RASAL2: variants seen among roughly 807,000 people sequenced by gnomAD.
The protein encoded by RASAL2 is ras GTPase-activating protein nGAP.
A neutral mutation model predicts 128.9 loss-of-function variants in RASAL2; 58 were observed. The ratio of observed to expected loss-of-function variants is 0.45; its 90% confidence interval spans 0.36 to 0.56. RASAL2 has a LOEUF of 0.56. Among genes scored for constraint, RASAL2 ranks in the 20% least tolerant of loss-of-function variants. The probability of loss-of-function intolerance (pLI) is 0.00; values close to 1 mark genes in which losing one functional copy is unlikely to be tolerated. For synonymous variants in RASAL2, 561 were observed against 580.8 expected, an observed-to-expected ratio of 0.97 and a Z score of 0.49; for missense variants, 1,360 against 1,601.6, an observed-to-expected ratio of 0.85 and a Z score of 2.57.
Position 178,249,546 on chromosome 1 carries a change from C to T in RASAL2, c.203-34018C>T, listed in dbSNP as rs984107604. 1.9e-4 allele frequency among the ~76,000 whole-genome samples: 29 copies of T among 151,992 alleles called. 1 individual carries two copies. Among genetic ancestry groups the T allele is most frequent in the Admixed American group, 1.7e-3 (26 of 15,268 alleles). On this transcript the variant is annotated intron_variant, in intron 1 of 17. Coordinates refer to ENST00000367649, the MANE Select transcript of RASAL2 (RefSeq NM_170692.4). ...ACCTTCTGAAGCCTACTCCTGTCAGCTCGTCAAACTCATTCTCTGTCCAGT... is the reference window on the plus strand; with the variant it reads ...ACCTTCTGAAGCCTACTCCTGTCAGTTCGTCAAACTCATTCTCTGTCCAGT...
chr1:178,270,241 G>C (rs902702756), intron 1 of RASAL2, among the ~76,000 whole-genome samples: 1 of 151,738 alleles, frequency 6.6e-6, no homozygotes, highest in Non-Finnish European at 1.5e-5. Context: ...CTCGGGTTTC[G>C]ATCTAGAAAC....
At chr1:178,391,514 A>G (rs1329178903) in intron 4 of RASAL2, among the ~76,000 whole-genome samples, 1 of 152,214 alleles carries the variant, frequency 6.6e-6, no homozygotes, top group East Asian at 1.9e-4. Flanking sequence ...GTAGAAATTC[A>G]TTGTATTTTC....
Position 178,113,560 on chromosome 1 carries a change from G to C in RASAL2, c.202+18866G>C, listed in dbSNP as rs961168597. ...TGTGTGTGTGTGTGTGTGTGTGTGTGTGTGTAGAGGCAGAGTCTTGCTGTA... is the reference window on the plus strand; with the variant it reads ...TGTGTGTGTGTGTGTGTGTGTGTGTCTGTGTAGAGGCAGAGTCTTGCTGTA... On this transcript the variant is annotated intron_variant, in intron 1 of 17. Coordinates refer to ENST00000367649, the MANE Select transcript of RASAL2 (RefSeq NM_170692.4). 7.4e-5 allele frequency among the ~76,000 whole-genome samples: 10 copies of C among 134,230 alleles called. No homozygotes were observed. The East Asian group carries it at 1.6e-3, about 22-fold the overall frequency. 88.1% of individuals were successfully genotyped at this position (134,230 alleles called of 152,430 possible).
At chr1:178,343,546 G>A (rs2102411213) in intron 3 of RASAL2, among the ~76,000 whole-genome samples, 1 of 152,296 alleles carries the variant, frequency 6.6e-6, no homozygotes, top group African/African-American at 2.4e-5. Context: ...TATATTATAT[G>A]ATAGAATAGA....
chr1:178,219,626 C>T (rs1202791655), intron 1 of RASAL2, among the ~76,000 whole-genome samples: 1 of 147,800 alleles, frequency 6.8e-6, no homozygotes, highest in African/African-American at 2.5e-5. Context: ...TGAGACTCTG[C>T]CTCAGGAAAA....
In RASAL2 at chr1:178,467,458, T is replaced by C. The variant is rs750598337; in HGVS notation, c.3678+37T>C. ...TTGAATCTAATAGAAGGCACTTGTT[T>C]ATAGTAACGATTATTTCCTGACTTC... On this transcript the variant is annotated intron_variant, in intron 17 of 17. Coordinates refer to ENST00000367649, the MANE Select transcript of RASAL2 (RefSeq NM_170692.4). The C allele has an allele frequency of 1.9e-5, 30 of 1,555,692 alleles. No homozygotes were observed. In the South Asian group the frequency reaches 3.2e-4, roughly 17 times the overall value.
At chr1:178,383,549 T>C (rs1672394741) in intron 3 of RASAL2, among the ~76,000 whole-genome samples, 5 of 152,080 alleles carry the variant, frequency 3.3e-5, no homozygotes, top group Admixed American at 3.3e-4. Context: ...CCTTTAGGAG[T>C]CCTCCAGCAA....
chr1:178,144,653 G>A (rs1320653374), intron 1 of RASAL2, among the ~76,000 whole-genome samples: 1 of 152,194 alleles, frequency 6.6e-6, no homozygotes, highest in African/African-American at 2.4e-5. Context: ...AAGAATTGTA[G>A]AGGAACTATT....
intron 1 of RASAL2, among the ~76,000 whole-genome samples, chr1:178,255,519 G>A (rs1665300899): frequency 6.6e-6 from 1 of 151,778 alleles, no homozygotes; most frequent in Non-Finnish European, 1.5e-5. Flanking sequence ...TAATATTATT[G>A]GGTTTATAAT....
chr1:178,285,103 CTTTTTT>C (rs58901015), intron 2 of RASAL2, among the ~76,000 whole-genome samples: 1 of 81,954 alleles, frequency 1.2e-5, no homozygotes, highest in African/African-American at 6.1e-5. Flanking sequence ...TTGCTACTTT[CTTTTTT>C]TTTTTTTTTT....
At chr1:178,347,025 G>C (rs1670189974) in intron 3 of RASAL2, among the ~76,000 whole-genome samples, 1 of 151,988 alleles carries the variant, frequency 6.6e-6, no homozygotes, top group Non-Finnish European at 1.5e-5. Context: ...TTAATGGAAG[G>C]GTATTTAAAA....
At chr1:178,423,947 A>G (rs1675331217) in intron 5 of RASAL2, among the ~76,000 whole-genome samples, 1 of 152,110 alleles carries the variant, frequency 6.6e-6, no homozygotes, top group Non-Finnish European at 1.5e-5. Context: ...GTGTTTTAAA[A>G]TCATGTCTTC....
At chr1:178,191,315 A>G (rs1662486897) in intron 1 of RASAL2, among the ~76,000 whole-genome samples, 3 of 152,042 alleles carry the variant, frequency 2.0e-5, no homozygotes, top group African/African-American at 7.3e-5. Context: ...TGAGCCAATA[A>G]TTTTGTTAAA....
chr1:178,104,636 T>C (rs1420338788), intron 1 of RASAL2, among the ~76,000 whole-genome samples: 1 of 152,198 alleles, frequency 6.6e-6, no homozygotes, highest in Non-Finnish European at 1.5e-5. Context: ...ATATGGCTCA[T>C]AATTTTAAGT....
intron 5 of RASAL2, among the ~76,000 whole-genome samples, chr1:178,437,949 A>G (rs547578161): frequency 4.1e-4 from 63 of 152,112 alleles, no homozygotes; most frequent in Admixed American, 1.2e-3. Context: ...AAAAATAAAC[A>G]TTGTCATTTT....
intron 1 of RASAL2, among the ~76,000 whole-genome samples, chr1:178,208,686 A>G (rs964495984): frequency 1.3e-5 from 2 of 152,150 alleles, no homozygotes; most frequent in African/African-American, 4.8e-5. Flanking sequence ...CCTCAGAAGC[A>G]TGTGATCTTT....
intron 9 of RASAL2, among the ~76,000 whole-genome samples, chr1:178,448,383 G>C (rs1677156988): frequency 6.6e-6 from 1 of 152,196 alleles, no homozygotes. Context: ...AAGGAATAGA[G>C]TGAGTCGCCA....
At chr1:178,461,353 A>G (rs1678182897) in intron 14 of RASAL2, among the ~76,000 whole-genome samples, 1 of 152,204 alleles carries the variant, frequency 6.6e-6, no homozygotes, top group South Asian at 2.1e-4. Context: ...TCTTAGCACA[A>G]AGTAGTGGCC....
chr1:178,438,102 T>TTTGTGTG (rs1491265355), intron 5 of RASAL2, among the ~76,000 whole-genome samples: 1 of 142,056 alleles, frequency 7.0e-6, no homozygotes, highest in African/African-American at 2.6e-5. Flanking sequence ...AAATGGTGGC[T>TTTGTGTG]TGTGTGTGTG....
Sources: gnomAD v4.1 joint callset for allele counts (sites outside exome capture counted in the v4.1 genomes callset) on GRCh38, gnomAD v4.1.1 for gene constraint, MANE v1.5 for transcripts, NCBI Gene and HGNC (gene_info 2026-07-23, HGNC 2026-07-21) for gene names.